Variants in RBFOX1 observed in about 807,000 individuals in gnomAD.
RBFOX1 encodes RNA binding protein fox-1 homolog 1.
In RBFOX1, 8 loss-of-function variants were observed where a neutral mutation model predicts 57.7. The observed-to-expected ratio is 0.14, with a 90% CI of 0.08 to 0.25. The LOEUF is 0.25. RBFOX1 is among the 10% of genes least tolerant of loss of function. RBFOX1 has a pLI of 1.00. For synonymous variants in RBFOX1, 326 were observed against 222.4 expected (o/e 1.47, Z -4.15); for missense variants, 611 against 548.5 (o/e 1.11, Z -1.14).
chr16:6,808,182 A>G (rs62016142), intron 3 of RBFOX1, among the ~76,000 whole-genome samples: 66,411 of 137,870 alleles, frequency 0.48, 16,067 homozygotes, highest in Non-Finnish European at 0.54. Context: ...GTGTGTGTAT[A>G]TATATATATA....
intron 2 of RBFOX1, among the ~76,000 whole-genome samples, chr16:6,519,443 G>A (rs1233423767): frequency 1.3e-5 from 2 of 152,176 alleles, no homozygotes; most frequent in African/African-American, 2.4e-5. Flanking sequence ...GCTCATGGCT[G>A]TAATCCCAGC....
intron 4 of RBFOX1, among the ~76,000 whole-genome samples, chr16:7,163,852 G>A (rs572301917): frequency 6.6e-6 from 1 of 152,082 alleles, no homozygotes; most frequent in African/African-American, 2.4e-5. Context: ...TAGAGATGAA[G>A]TTTTACCATG....
chr16:7,505,403 C>T (rs913882167), intron 4 of RBFOX1, among the ~76,000 whole-genome samples: 2 of 152,158 alleles, frequency 1.3e-5, no homozygotes, highest in African/African-American at 4.8e-5. Flanking sequence ...TGAGAAACTC[C>T]ATCTTCCTAA....
At chr16:6,981,848 C>G (rs748945245) in intron 3 of RBFOX1, among the ~76,000 whole-genome samples, 4 of 152,264 alleles carry the variant, frequency 2.6e-5, no homozygotes, top group East Asian at 1.9e-4. Context: ...GCCATATCAT[C>G]CAGTCTACAC....
At chr16:7,082,567 A>T (rs1237255773) in intron 4 of RBFOX1, among the ~76,000 whole-genome samples, 3 of 152,098 alleles carry the variant, frequency 2.0e-5, no homozygotes, top group Non-Finnish European at 2.9e-5. Context: ...GTCTCAAAAA[A>T]AAAAAAATAA....
intron 3 of RBFOX1, among the ~76,000 whole-genome samples, chr16:6,976,730 T>C (rs1180322673): frequency 6.8e-6 from 1 of 148,134 alleles, no homozygotes; most frequent in African/African-American, 2.5e-5. Context: ...ATATATATCA[T>C]GTATCATACA....
intron 4 of RBFOX1, among the ~76,000 whole-genome samples, chr16:7,187,172 A>G (rs532483076): frequency 6.6e-6 from 1 of 152,096 alleles, no homozygotes; most frequent in East Asian, 1.9e-4. Flanking sequence ...CTGTCTCAAA[A>G]AATAAATAAA....
intron 2 of RBFOX1, among the ~76,000 whole-genome samples, chr16:6,369,178 G>A (rs569474369): frequency 6.6e-4 from 100 of 152,290 alleles, no homozygotes; most frequent in African/African-American, 1.7e-3. Flanking sequence ...TTGGGCATAG[G>A]AAGCAGATAC....
chr16:6,723,595 T>A (rs879633710), intron 3 of RBFOX1, among the ~76,000 whole-genome samples: 2 of 152,220 alleles, frequency 1.3e-5, no homozygotes, highest in Non-Finnish European at 2.9e-5. Flanking sequence ...GTAGGGGATA[T>A]CTTGAGTGAG....
intron 1 of RBFOX1, among the ~76,000 whole-genome samples, chr16:5,282,296 A>G (rs1384699569): frequency 6.6e-6 from 1 of 152,194 alleles, no homozygotes; most frequent in African/African-American, 2.4e-5. Flanking sequence ...TAAATTTCCC[A>G]GTCTTGAATG....
chr16:6,205,858 T>C (rs1385717721), intron 1 of RBFOX1, among the ~76,000 whole-genome samples: 1 of 113,022 alleles, frequency 8.8e-6, no homozygotes, highest in Non-Finnish European at 1.7e-5. Flanking sequence ...GCCTACGAGA[T>C]CATACTTTTT....
chr16:5,570,851 A>AT (rs1555468114), intron 2 of RBFOX1, among the ~76,000 whole-genome samples: 4 of 151,604 alleles, frequency 2.6e-5, no homozygotes, highest in Non-Finnish European at 5.9e-5. Context: ...AAAAAAAAAA[A>AT]AATAAAGCAT....
chr16:6,060,130 T>G (rs1451456368), intron 1 of RBFOX1, among the ~76,000 whole-genome samples: 6 of 11,678 alleles, frequency 5.1e-4, no homozygotes, highest in East Asian at 3.5e-3. Context: ...GGGTTTTTTT[T>G]TTTTTTTTTT....
At chr16:5,544,277 C>G (rs1287523236) in intron 2 of RBFOX1, among the ~76,000 whole-genome samples, 1 of 152,140 alleles carries the variant, frequency 6.6e-6, no homozygotes, top group Non-Finnish European at 1.5e-5. Flanking sequence ...ACAGAAGGAA[C>G]TCTGGGAAAT....
At chr16:7,139,657 G>T (rs1184725068) in intron 4 of RBFOX1, among the ~76,000 whole-genome samples, 1 of 152,160 alleles carries the variant, frequency 6.6e-6, no homozygotes, top group African/African-American at 2.4e-5. Context: ...TCAGTTTTTG[G>T]TAAAGAGGCA....
chr16:7,710,636 C>T lies in RBFOX1; in HGVS notation c.1085C>T (p.Pro362Leu). 1 of 1,612,784 alleles carries T rather than the reference C, an allele frequency of 6.2e-7. No homozygotes were observed. Among genetic ancestry groups the T allele is most frequent in the Non-Finnish European group, 8.5e-7 (1 of 1,179,634 alleles). ...GCTTTGTTTCAGAATGCTTTTGCAC[C>T]TTTGACTGATGCCAAGACTAGGAGC... ...YGVGAMNAFA[P>L]LTDAKTRSHA... is the part of the protein sequence containing the mutation. The change falls in exon 16 of 16, where the codon CCT (proline) becomes CTT (leucine). Residue 362 changes from proline to leucine, a missense_variant. Pro to Leu is a moderately conservative substitution (Grantham distance 98). Transcript: ENST00000550418.
chr16:6,775,533 C>T (rs761905707), intron 3 of RBFOX1, among the ~76,000 whole-genome samples: 10 of 151,850 alleles, frequency 6.6e-5, no homozygotes, highest in Non-Finnish European at 1.3e-4. Context: ...TATCATGGAA[C>T]CAGTTATGTC....
In RBFOX1 at chr16:7,436,249, C is replaced by T. The variant is rs145868449; in HGVS notation, c.28-81898C>T. Among the ~76,000 whole-genome samples the T allele has an allele frequency of 1.4e-3, 206 of 152,234 alleles. 2 individuals carry two copies. The highest frequency in any genetic ancestry group is 2.4e-3 in the Non-Finnish European group (160 of 68,024). ...TTTATTTTTCTATTTGACAATGAAT[C>T]GTGAGCATCTTTCCTATGGGTGGAT... On this transcript the variant is annotated intron_variant, in intron 4 of 15. Coordinates refer to ENST00000550418, the MANE Select transcript of RBFOX1 (RefSeq NM_018723.4).
chr16:5,355,991 T>A (rs1163354631), intron 1 of RBFOX1, among the ~76,000 whole-genome samples: 1 of 152,170 alleles, frequency 6.6e-6, no homozygotes, highest in Non-Finnish European at 1.5e-5. Flanking sequence ...CTCAGGAGGC[T>A]GTGACATGAG....
Sources: allele counts gnomAD v4.1 joint callset (sites outside exome capture counted in the v4.1 genomes callset), GRCh38; gene constraint gnomAD v4.1.1; transcripts MANE v1.5; gene names NCBI Gene and HGNC (gene_info 2026-07-23, HGNC 2026-07-21).